Variants in NBAS observed in about 807,000 individuals in gnomAD.
NBAS encodes NAG/BC035112 fusion.
NBAS carries 219 observed loss-of-function variants against 302.5 expected under a neutral mutation model. The ratio of observed to expected loss-of-function variants is 0.72; its 90% CI spans 0.65 to 0.81. The LOEUF (loss-of-function observed/expected upper bound fraction) is 0.81. Among genes scored for constraint, NBAS ranks in the 30% least tolerant of loss-of-function variants. The pLI is 0.00. For synonymous variants in NBAS, 1,118 were observed against 1,021.6 expected (o/e 1.09, Z -1.80); for missense variants, 2,932 against 2,841.6 (o/e 1.03, Z -0.72).
intron 26 of NBAS, chr2:15,397,923 G>T: frequency 5.7e-6 from 1 of 174,574 alleles, no homozygotes; most frequent in Non-Finnish European, 1.2e-5. Context: ...CTATCTGCCT[G>T]GTCTAAATGT....
chr2:15,401,458 C>G (rs921815868), intron 26 of NBAS, among the ~76,000 whole-genome samples: 2 of 151,168 alleles, frequency 1.3e-5, no homozygotes, highest in African/African-American at 4.9e-5. Context: ...GTCTAAATAT[C>G]TGATTTTGTA....
intron 38 of NBAS, among the ~76,000 whole-genome samples, chr2:15,321,070 G>C (rs1671783147): frequency 6.6e-6 from 1 of 152,172 alleles, no homozygotes; most frequent in Admixed American, 6.5e-5. Context: ...GAACAGAACA[G>C]AGCCCTCAGA....
rs1485350727 is a variant in NBAS, at chr2:15,488,921, T to C, written c.1056A>G (p.Gln352=). 7 of 1,613,824 alleles carry C rather than the reference T, an allele frequency of 4.3e-6. No homozygotes were observed. In the African/African-American group the frequency reaches 8.0e-5, roughly 18 times the overall value. The change falls in exon 12 of 52, where the codon CAA becomes CAG. Residue 352 remains glutamine (Q), a synonymous_variant. Transcript: ENST00000281513. ...GCTCATTTTGACCCCATTCCCCTTG[T>C]TGCTTCAGAGATGGAATCGCCCAGA... ...LSIWAIPSLK[Q]QGEWGQNEQP... is the part of the protein sequence containing the mutation.
intron 6 of NBAS, among the ~76,000 whole-genome samples, chr2:15,551,043 A>G (rs950531525): frequency 6.6e-6 from 1 of 152,216 alleles, no homozygotes; most frequent in Non-Finnish European, 1.5e-5. Flanking sequence ...GCTTCATGAG[A>G]TAAAGGAGCA....
intron 47 of NBAS, among the ~76,000 whole-genome samples, chr2:15,231,566 C>A (rs1340095503): frequency 6.6e-6 from 1 of 152,064 alleles, no homozygotes. Flanking sequence ...ATAATAATCA[C>A]AATAATCATT....
At chr2:15,458,949 T>A (rs2111448) in intron 21 of NBAS, among the ~76,000 whole-genome samples, 1 of 151,940 alleles carries the variant, frequency 6.6e-6, no homozygotes, top group African/African-American at 2.4e-5. Flanking sequence ...AAACAATGAT[T>A]CAAAATAACA....
the NBAS span, among the ~76,000 whole-genome samples, chr2:15,085,462 G>A: frequency 8.5e-5 from 13 of 152,244 alleles, no homozygotes; most frequent in Admixed American, 6.5e-4. Flanking sequence ...TCTCAGTGCT[G>A]GGGCAATGTG....
the NBAS span, among the ~76,000 whole-genome samples, chr2:15,012,396 G>T: frequency 2.0e-5 from 3 of 151,944 alleles, no homozygotes; most frequent in African/African-American, 7.2e-5. Context: ...AAGCTTACAG[G>T]ACTTACAGGA....
chr2:15,068,354 C>A, the NBAS span, among the ~76,000 whole-genome samples: 1 of 152,090 alleles, frequency 6.6e-6, no homozygotes, highest in Non-Finnish European at 1.5e-5. Flanking sequence ...AAGAAGGCAT[C>A]CAACGTAGGA....
intron 6 of NBAS, among the ~76,000 whole-genome samples, chr2:15,549,054 T>C (rs1267318544): frequency 1.3e-5 from 2 of 152,202 alleles, no homozygotes; most frequent in African/African-American, 2.4e-5. Flanking sequence ...ACAGTAATTA[T>C]AACAATAGCT....
the NBAS span, among the ~76,000 whole-genome samples, chr2:14,818,301 A>G: frequency 6.6e-6 from 1 of 152,164 alleles, no homozygotes; most frequent in Non-Finnish European, 1.5e-5. Context: ...TGTACATGTG[A>G]AGGGGTGTGT....
At chr2:15,303,597 T>A (rs997289984) in intron 40 of NBAS, among the ~76,000 whole-genome samples, 2 of 152,252 alleles carry the variant, frequency 1.3e-5, no homozygotes, top group Non-Finnish European at 2.9e-5. Context: ...GGTGTGTGAA[T>A]TTGGAAAGAG....
At chr2:14,981,535 G>A in the NBAS span, among the ~76,000 whole-genome samples, 75 of 152,232 alleles carry the variant, frequency 4.9e-4, no homozygotes, top group South Asian at 0.014. Context: ...TCTTCCTTCC[G>A]TCCACAAAGC....
chr2:15,211,015 T>C (rs968895642), intron 48 of NBAS, among the ~76,000 whole-genome samples: 2 of 151,956 alleles, frequency 1.3e-5, no homozygotes, highest in Admixed American at 1.3e-4. Context: ...GGATGATTAA[T>C]AGGTAGAAAA....
the NBAS span, among the ~76,000 whole-genome samples, chr2:15,092,604 T>G: frequency 6.6e-6 from 1 of 152,212 alleles, no homozygotes; most frequent in Non-Finnish European, 1.5e-5. Context: ...GCTGTGTCTT[T>G]GAAGTTCCCT....
the NBAS span, among the ~76,000 whole-genome samples, chr2:14,909,334 AAAG>A: frequency 6.2e-5 from 9 of 146,244 alleles, no homozygotes; most frequent in South Asian, 1.5e-3. Flanking sequence ...AAAAAAAAAA[AAAG>A]AGAACCGCTA....
In NBAS at chr2:15,554,111, T is replaced by C. The variant is rs777250486; in HGVS notation, c.237A>G (p.Gly79=). ...YSPAPFLLPD[G]LVRLVNKQIN... ...TCTGTTTATTAACCAAGCGAACCAG[T>C]CCATCAGGGAGCAAAAAAGGTGCCG... Residue 79 remains glycine (G), a synonymous_variant, in exon 4 of 52, where the codon GGA becomes GGG. Coordinates refer to ENST00000281513, the MANE Select transcript of NBAS (RefSeq NM_015909.4). 6.2e-7 allele frequency: 1 copy of C among 1,613,838 alleles called. No homozygotes were observed. The highest frequency in any genetic ancestry group is 1.3e-5 in the African/African-American group (1 of 75,008).
intron 34 of NBAS, among the ~76,000 whole-genome samples, chr2:15,352,451 T>A (rs952217850): frequency 2.6e-5 from 4 of 152,072 alleles, no homozygotes; most frequent in African/African-American, 9.7e-5. Flanking sequence ...ATTAAAAAGC[T>A]TTAGAGCAGG....
the NBAS span, among the ~76,000 whole-genome samples, chr2:15,082,908 T>C: frequency 6.6e-6 from 1 of 152,144 alleles, no homozygotes; most frequent in Non-Finnish European, 1.5e-5. Flanking sequence ...GAGCCAGGGC[T>C]CAAACCCAGC....
Sources: gnomAD v4.1 joint callset for allele counts (sites outside exome capture counted in the v4.1 genomes callset) on GRCh38, gnomAD v4.1.1 for gene constraint, MANE v1.5 for transcripts, NCBI Gene and HGNC (gene_info 2026-07-23, HGNC 2026-07-21) for gene names.